The following ARL15 variants were observed in gnomAD, a reference collection of about 807,000 sequenced individuals.
The protein encoded by ARL15 is ADP-ribosylation factor-like protein 15.
In ARL15, 19 loss-of-function variants were observed where a neutral mutation model predicts 25.2. The observed-to-expected ratio is 0.75, with a 90% CI of 0.53 to 1.10. The LOEUF is 1.10. ARL15 is among the 50% of genes least tolerant of loss of function. The pLI is 0.00. For missense variants in ARL15, 220 were observed against 246.0 expected (o/e 0.89, Z 0.71); for synonymous variants, 94 against 86.8 (o/e 1.08, Z -0.46).
At chr5:54,069,590 A>C (rs1751355639) in intron 4 of ARL15, among the ~76,000 whole-genome samples, 1 of 150,552 alleles carries the variant, frequency 6.6e-6, no homozygotes, top group Admixed American at 6.6e-5. Context: ...AAAAACCACG[A>C]AAAAACCAAA....
At chr5:54,233,717 T>C (rs1003077976) in intron 1 of ARL15, among the ~76,000 whole-genome samples, 12 of 152,230 alleles carry the variant, frequency 7.9e-5, no homozygotes, top group Admixed American at 1.3e-4. Context: ...ATTGTTTAGA[T>C]ATAGAATCAC....
At chr5:54,121,070 G>A (rs972224289) in intron 3 of ARL15, among the ~76,000 whole-genome samples, 3 of 152,108 alleles carry the variant, frequency 2.0e-5, no homozygotes, top group Admixed American at 2.0e-4. Context: ...ATAGCATAAA[G>A]TATAATTAGA....
intron 4 of ARL15, among the ~76,000 whole-genome samples, chr5:54,086,150 G>A (rs1751957220): frequency 1.3e-5 from 2 of 152,084 alleles, no homozygotes; most frequent in South Asian, 4.1e-4. Context: ...CCGACCTCAG[G>A]TGATCCGCCC....
At chr5:53,942,012 C>T (rs930240715) in intron 4 of ARL15, among the ~76,000 whole-genome samples, 5 of 152,016 alleles carry the variant, frequency 3.3e-5, no homozygotes, top group Non-Finnish European at 7.4e-5. Flanking sequence ...GAGTATGGGG[C>T]GGGCAGGGGC....
intron 1 of ARL15, among the ~76,000 whole-genome samples, chr5:54,261,105 T>C (rs1243473717): frequency 6.6e-6 from 1 of 152,184 alleles, no homozygotes; most frequent in African/African-American, 2.4e-5. Context: ...TGTCAGAAGG[T>C]AACTTCACCA....
chr5:54,169,892 A>G (rs1293879133), intron 2 of ARL15, among the ~76,000 whole-genome samples: 1 of 152,190 alleles, frequency 6.6e-6, no homozygotes, highest in Non-Finnish European at 1.5e-5. Context: ...GTCTCTACTC[A>G]TTACAATCCC....
At chr5:54,042,307 A>G (rs1271268647) in intron 4 of ARL15, among the ~76,000 whole-genome samples, 1 of 152,212 alleles carries the variant, frequency 6.6e-6, no homozygotes, top group Non-Finnish European at 1.5e-5. Context: ...TAGGGCTACC[A>G]TAAAATAAAG....
intron 4 of ARL15, among the ~76,000 whole-genome samples, chr5:54,047,515 A>G (rs898992371): frequency 3.9e-5 from 6 of 152,212 alleles, no homozygotes; most frequent in African/African-American, 1.4e-4. Context: ...ATCTTCATAT[A>G]AAACCTCAGT....
intron 1 of ARL15, among the ~76,000 whole-genome samples, chr5:54,267,962 C>T (rs1293972463): frequency 6.6e-6 from 1 of 151,542 alleles, no homozygotes; most frequent in Non-Finnish European, 1.5e-5. Context: ...TTGCTCTTCT[C>T]GAGGAGTATC....
chr5:54,099,095 G>T (rs1222828242), intron 4 of ARL15, among the ~76,000 whole-genome samples: 1 of 152,116 alleles, frequency 6.6e-6, no homozygotes, highest in Non-Finnish European at 1.5e-5. Context: ...ATTTTGGTGA[G>T]GCTGCAAAGA....
chr5:54,138,375 GC>G lies in ARL15; in HGVS notation c.253+16204del, dbSNP rs1753668871. Among the ~76,000 whole-genome samples, 3 of 152,066 alleles carry G rather than the reference GC, an allele frequency of 2.0e-5. No homozygotes were observed. The South Asian group carries it at 6.2e-4, about 32-fold the overall frequency. On this transcript the variant is annotated intron_variant, in intron 3 of 4. Transcript: ENST00000504924. ...AGAGAATGCAGAAATAAAGCTAAAC[GC>G]AACCAACTGACCTTTGGCAAAGCAC... is the stretch of plus-strand genomic sequence containing the variant.
chr5:54,020,093 T>C (rs946283292), intron 4 of ARL15, among the ~76,000 whole-genome samples: 2 of 152,198 alleles, frequency 1.3e-5, no homozygotes, highest in Admixed American at 1.3e-4. Flanking sequence ...ATATGAAGTA[T>C]TAAAGTTACT....
chr5:54,154,264 T>G (rs977216350), intron 3 of ARL15: 2 of 210,634 alleles, frequency 9.5e-6, no homozygotes, highest in Non-Finnish European at 1.9e-5. Flanking sequence ...GATCTTTCAA[T>G]GATATTAAAA....
chr5:53,951,680 G>A (rs1746969248), intron 4 of ARL15: 1 of 392,012 alleles, frequency 2.6e-6, no homozygotes, highest in Admixed American at 4.6e-5. Flanking sequence ...AAAAATATCA[G>A]TAAATAAATA....
At chr5:53,980,867 G>A (rs1198220768) in intron 4 of ARL15, among the ~76,000 whole-genome samples, 1 of 152,154 alleles carries the variant, frequency 6.6e-6, no homozygotes, top group African/African-American at 2.4e-5. Flanking sequence ...TGCAGTCCCA[G>A]CTACTTGGGA....
At chr5:54,275,278 T>C (rs1443524299) in intron 1 of ARL15, among the ~76,000 whole-genome samples, 1 of 152,196 alleles carries the variant, frequency 6.6e-6, no homozygotes, top group Non-Finnish European at 1.5e-5. Context: ...CATGTACTTG[T>C]GAAAAAGATG....
intron 4 of ARL15, among the ~76,000 whole-genome samples, chr5:54,088,064 AG>A (rs1752029069): frequency 6.6e-6 from 1 of 152,216 alleles, no homozygotes; most frequent in Non-Finnish European, 1.5e-5. Flanking sequence ...GATGCATCCT[AG>A]GAACTATCCA....
At chr5:53,898,483 G>A (rs993392475) in intron 4 of ARL15, among the ~76,000 whole-genome samples, 2 of 152,086 alleles carry the variant, frequency 1.3e-5, no homozygotes, top group Admixed American at 6.6e-5. Context: ...CTTGTTATAG[G>A]TCTAATTTTG....
At chr5:53,910,633 T>TTATATATATATATATATATATA (rs70986649) in intron 4 of ARL15, among the ~76,000 whole-genome samples, 3 of 55,002 alleles carry the variant, frequency 5.5e-5, no homozygotes, top group Non-Finnish European at 6.9e-5. Context: ...TAAAAAAAAA[T>TTATATATATATATATATATATA]TATATATATA....
Sources: gnomAD v4.1 joint callset for allele counts (sites outside exome capture counted in the v4.1 genomes callset) on GRCh38, gnomAD v4.1.1 for gene constraint, MANE v1.5 for transcripts, NCBI Gene and HGNC (gene_info 2026-07-23, HGNC 2026-07-21) for gene names.